The following RYR2 variants were observed in gnomAD, a reference collection of about 807,000 sequenced individuals.
The protein encoded by RYR2 is cardiac muscle ryanodine receptor-calcium release channel.
RYR2 carries 227 observed loss-of-function variants against 601.1 expected under a neutral mutation model. The observed-to-expected ratio is 0.38, with a 90% CI of 0.34 to 0.42. The LOEUF is 0.42. Ranked by LOEUF, RYR2 falls within the 10% of genes least tolerant of loss-of-function variation. The pLI is 1.00. For missense variants in RYR2, 4,646 were observed against 6,156.5 expected (o/e 0.75, Z 8.21); for synonymous variants, 2,223 against 2,175.1 (o/e 1.02, Z -0.61).
chr1:237,410,967 T>A (rs1345950337), intron 10 of RYR2, among the ~76,000 whole-genome samples: 1 of 152,242 alleles, frequency 6.6e-6, no homozygotes, highest in Non-Finnish European at 1.5e-5. Flanking sequence ...TAGAATATTA[T>A]ACAACCTTTA....
At chr1:237,411,572 C>T (rs951621922) in intron 10 of RYR2, among the ~76,000 whole-genome samples, 1 of 152,070 alleles carries the variant, frequency 6.6e-6, no homozygotes, top group African/African-American at 2.4e-5. Flanking sequence ...TCACCATCAC[C>T]ATCTGCATCC....
chr1:237,753,619 T>G lies in RYR2; in HGVS notation c.11146-2669T>G, dbSNP rs559351540. 6.6e-4 allele frequency among the ~76,000 whole-genome samples: 101 copies of G among 152,272 alleles called. 1 individual carries two copies. Among genetic ancestry groups the G allele is most frequent in the African/African-American group, 2.2e-3 (93 of 41,562 alleles). ...CAGAATGTTTTGCCTAAGGGAAAAT[T>G]TAAATTCTGGAGCTGCTCTTTTTTT... On this transcript the variant is annotated intron_variant, in intron 80 of 104. Transcript: ENST00000366574.
chr1:237,065,440 TG>T (rs1663475196), intron 1 of RYR2, among the ~76,000 whole-genome samples: 1 of 99,850 alleles, frequency 1.0e-5, no homozygotes, highest in African/African-American at 3.4e-5. Context: ...CCACCACGCC[TG>T]GCTAATTTTT....
chr1:237,818,910 CA>C (rs1335744317), intron 100 of RYR2, 125 bp from the exon 101 acceptor site: 32 of 763,286 alleles, frequency 4.2e-5, no homozygotes, highest in Non-Finnish European at 6.5e-5. Flanking sequence ...CAAAAAGAGG[CA>C]ATATAGAATG....
intron 2 of RYR2, among the ~76,000 whole-genome samples, chr1:237,327,797 C>T (rs1696307377): frequency 6.6e-6 from 1 of 152,074 alleles, no homozygotes; most frequent in Non-Finnish European, 1.5e-5. Context: ...TTCATTTATT[C>T]ATAACAACCC....
intron 38 of RYR2, among the ~76,000 whole-genome samples, chr1:237,618,173 G>A (rs1406135119): frequency 6.6e-6 from 1 of 151,992 alleles, no homozygotes; most frequent in African/African-American, 2.4e-5. Flanking sequence ...TGTTTATAGG[G>A]ACTAATTACA....
At chr1:237,611,032 G>A in intron 36 of RYR2, 44 bp downstream of exon 36, 2 of 1,549,470 alleles carry the variant, frequency 1.3e-6, no homozygotes, top group Non-Finnish European at 1.8e-6. Flanking sequence ...GGACGCTTGG[G>A]ATTAGCCTGC....
At chr1:237,084,525 T>A (rs1666091422) in intron 1 of RYR2, among the ~76,000 whole-genome samples, 1 of 152,144 alleles carries the variant, frequency 6.6e-6, no homozygotes. Context: ...TTGTTATTGC[T>A]TTAATTCACA....
At chr1:237,374,692 C>T in intron 6 of RYR2, 25 bp from the exon 7 acceptor site, 1 of 1,580,648 alleles carries the variant, frequency 6.3e-7, no homozygotes, top group Non-Finnish European at 8.7e-7. Flanking sequence ...CCTCTACTTA[C>T]AACTACTGAT....
intron 1 of RYR2, among the ~76,000 whole-genome samples, chr1:237,063,732 C>A (rs936213508): frequency 7.2e-5 from 11 of 152,128 alleles, no homozygotes; most frequent in Non-Finnish European, 1.5e-4. Flanking sequence ...ATGCTGTCAT[C>A]TGGGATCATT....
At chr1:237,147,110 A>C (rs1305314984) in intron 1 of RYR2, among the ~76,000 whole-genome samples, 2 of 152,192 alleles carry the variant, frequency 1.3e-5, no homozygotes, top group Admixed American at 1.3e-4. Context: ...ATAGATGTGA[A>C]ATCTCAGGAA....
At chr1:237,407,413 C>T (rs1704006752) in intron 10 of RYR2, among the ~76,000 whole-genome samples, 1 of 152,224 alleles carries the variant, frequency 6.6e-6, no homozygotes, top group African/African-American at 2.4e-5. Context: ...GTATTCTCAC[C>T]AGCAATGAAT....
In RYR2 at chr1:237,311,302, A is replaced by G. The variant is rs1467114579; in HGVS notation, c.169-19576A>G. On this transcript the variant is annotated intron_variant, in intron 2 of 104. Transcript: ENST00000366574. ...GAGCTCAAAAACATTCAAGTCTATC[A>G]GGAAGGTATATATGAATTTACATTA... is the stretch of plus-strand genomic sequence containing the variant. Among the ~76,000 whole-genome samples, 5 of 152,298 alleles carry G rather than the reference A, an allele frequency of 3.3e-5. No individual in the cohort carries two copies. In the East Asian group the frequency reaches 9.6e-4, roughly 29 times the overall value.
intron 1 of RYR2, among the ~76,000 whole-genome samples, chr1:237,196,147 G>A (rs1680538007): frequency 6.6e-6 from 1 of 152,110 alleles, no homozygotes; most frequent in South Asian, 2.1e-4. Flanking sequence ...TTGTGGTCTA[G>A]GAAGTGTCCT....
chr1:237,771,875 T>C (rs895518249), intron 85 of RYR2, 137 bp from the exon 86 acceptor site: 53 of 604,990 alleles, frequency 8.8e-5, no homozygotes, highest in African/African-American at 8.7e-4. Flanking sequence ...ATTATTTTCA[T>C]AGTAAAACTA....
At chr1:237,305,239 C>T (rs1693757086) in intron 2 of RYR2, among the ~76,000 whole-genome samples, 1 of 152,100 alleles carries the variant, frequency 6.6e-6, no homozygotes, top group African/African-American at 2.4e-5. Context: ...GAAATAGCAG[C>T]AGACTGCAGA....
chr1:237,722,588 C>T (rs1399420703), intron 73 of RYR2, among the ~76,000 whole-genome samples: 1 of 151,908 alleles, frequency 6.6e-6, no homozygotes, highest in Non-Finnish European at 1.5e-5. Flanking sequence ...CGCCCGCCAC[C>T]ACGCCTGGCT....
At chr1:237,656,955 A>G (rs1454063002) in intron 53 of RYR2, among the ~76,000 whole-genome samples, 4 of 152,224 alleles carry the variant, frequency 2.6e-5, no homozygotes, top group Non-Finnish European at 5.9e-5. Context: ...ACTATCACAT[A>G]TTCACATTCC....
chr1:237,266,330 TTGTG>T (rs3056169), intron 1 of RYR2, among the ~76,000 whole-genome samples: 42 of 149,466 alleles, frequency 2.8e-4, no homozygotes, highest in African/African-American at 8.8e-4. Flanking sequence ...AGAAACTAGA[TTGTG>T]TGTGTGTGTG....
Sources: gnomAD v4.1 joint callset for allele counts (sites outside exome capture counted in the v4.1 genomes callset) on GRCh38, gnomAD v4.1.1 for gene constraint, MANE v1.5 for transcripts, NCBI Gene and HGNC (gene_info 2026-07-23, HGNC 2026-07-21) for gene names.